The following NALF1 variants were observed in gnomAD, a reference collection of about 807,000 sequenced individuals.
The protein encoded by NALF1 is NALCN channel auxiliary factor 1, also known as family with sequence similarity 155 member A.
Under a neutral mutation model 48.4 loss-of-function variants are expected in NALF1, and 3 were observed. That is an observed-to-expected ratio of 0.06 (90% CI 0.03 to 0.16). The LOEUF is 0.16. Ranked by LOEUF, NALF1 falls within the 10% of genes least tolerant of loss-of-function variation. NALF1 has a pLI of 1.00. For synonymous variants in NALF1, 262 were observed against 245.7 expected (o/e 1.07, Z -0.62); for missense variants, 526 against 571.5 (o/e 0.92, Z 0.81).
At chr13:107,541,192 C>G (rs192120968) in intron 1 of NALF1, among the ~76,000 whole-genome samples, 134 of 152,208 alleles carry the variant, frequency 8.8e-4, no homozygotes, top group African/African-American at 3.1e-3. Flanking sequence ...TGGATCGTTA[C>G]ATGTCTGTTT....
chr13:107,205,981 C>CA (rs1224994691), intron 2 of NALF1, among the ~76,000 whole-genome samples: 1 of 151,894 alleles, frequency 6.6e-6, no homozygotes, highest in East Asian at 2.0e-4. Context: ...TCGTAGAATC[C>CA]AAAAACGACT....
intron 1 of NALF1, among the ~76,000 whole-genome samples, chr13:107,756,774 C>G (rs939343974): frequency 1.3e-5 from 2 of 152,040 alleles, no homozygotes; most frequent in African/African-American, 4.8e-5. Flanking sequence ...AATTAACCCT[C>G]GGAACCAGGA....
At chr13:107,600,574 T>C (rs1878893431) in intron 1 of NALF1, among the ~76,000 whole-genome samples, 1 of 152,198 alleles carries the variant, frequency 6.6e-6, no homozygotes, top group Non-Finnish European at 1.5e-5. Context: ...ACTGAGATAC[T>C]GGCTAAGTCA....
intron 1 of NALF1, among the ~76,000 whole-genome samples, chr13:107,560,569 A>G (rs981495534): frequency 5.3e-5 from 8 of 152,150 alleles, no homozygotes; most frequent in African/African-American, 1.7e-4. Flanking sequence ...ATGATGTACT[A>G]CATTGTCATT....
Position 107,246,842 on chromosome 13 carries a change from C to A in NALF1, c.916-36087G>T, listed in dbSNP as rs190347459. On this transcript the variant is annotated intron_variant, in intron 1 of 2. Coordinates refer to ENST00000375915, the MANE Select transcript of NALF1 (RefSeq NM_001080396.3). The stretch of plus-strand genomic sequence containing the variant: ...AAAAGAGGAAAGGGGAGAATTTCAT[C>A]TTTCAATGATACTTTTCAAAATTAT... 2.0e-3 allele frequency among the ~76,000 whole-genome samples: 310 copies of A among 152,274 alleles called. 2 individuals are homozygous for A. Among genetic ancestry groups the A allele is most frequent in the African/African-American group, 7.3e-3 (302 of 41,570 alleles).
intron 1 of NALF1, among the ~76,000 whole-genome samples, chr13:107,425,454 T>G (rs528879496): frequency 1.5e-4 from 23 of 152,248 alleles, no homozygotes; most frequent in Admixed American, 1.4e-3. Flanking sequence ...TTATTATTTT[T>G]TAAAGAACAT....
intron 1 of NALF1, among the ~76,000 whole-genome samples, chr13:107,590,180 T>TA (rs1380615771): frequency 4.6e-5 from 7 of 152,120 alleles, no homozygotes; most frequent in African/African-American, 1.7e-4. Context: ...AATGAAATGA[T>TA]AAAAAATTTC....
At chr13:107,682,844 TC>T (rs1388274431) in intron 1 of NALF1, among the ~76,000 whole-genome samples, 1 of 152,186 alleles carries the variant, frequency 6.6e-6, no homozygotes, top group African/African-American at 2.4e-5. Flanking sequence ...CAGTCGACTT[TC>T]CAATGGCCTC....
intron 1 of NALF1, among the ~76,000 whole-genome samples, chr13:107,215,855 G>A (rs988015159): frequency 2.7e-5 from 4 of 149,132 alleles, no homozygotes; most frequent in Admixed American, 6.8e-5. Flanking sequence ...TCCAGCAGAA[G>A]GTCAGCTTCT....
chr13:107,693,935 G>A (rs1881636383), intron 1 of NALF1, among the ~76,000 whole-genome samples: 1 of 152,178 alleles, frequency 6.6e-6, no homozygotes, highest in African/African-American at 2.4e-5. Context: ...TTGCAGAGGA[G>A]GAAACTGAAG....
At chr13:107,774,834 C>T (rs1877679832) in intron 1 of NALF1, among the ~76,000 whole-genome samples, 2 of 152,240 alleles carry the variant, frequency 1.3e-5, no homozygotes, top group South Asian at 4.1e-4. Context: ...TAAATCTCAG[C>T]TCTTATGGTT....
intron 1 of NALF1, among the ~76,000 whole-genome samples, chr13:107,567,225 G>T (rs1877840034): frequency 6.6e-6 from 1 of 152,052 alleles, no homozygotes; most frequent in African/African-American, 2.4e-5. Context: ...TACACTATCT[G>T]TATATATACA....
chr13:107,727,874 T>C (rs1594231207), intron 1 of NALF1, among the ~76,000 whole-genome samples: 1 of 151,994 alleles, frequency 6.6e-6, no homozygotes, highest in South Asian at 2.1e-4. Flanking sequence ...GCAAAGGATA[T>C]GAACAGACAC....
At chr13:107,758,674 T>C (rs572926311) in intron 1 of NALF1, among the ~76,000 whole-genome samples, 1 of 152,112 alleles carries the variant, frequency 6.6e-6, no homozygotes, top group East Asian at 1.9e-4. Context: ...TGAGCCGAGA[T>C]AGCGCCACTG....
At chr13:107,851,067 G>A (rs1188162721) in intron 1 of NALF1, among the ~76,000 whole-genome samples, 3 of 152,106 alleles carry the variant, frequency 2.0e-5, no homozygotes, top group Non-Finnish European at 4.4e-5. Flanking sequence ...GTGTAGTAAA[G>A]GAAAATATTG....
chr13:107,195,185 C>T (rs1879364615), intron 2 of NALF1, among the ~76,000 whole-genome samples: 1 of 152,106 alleles, frequency 6.6e-6, no homozygotes, highest in South Asian at 2.1e-4. Context: ...AAAAGTAGAA[C>T]TCAAGTGACG....
intron 1 of NALF1, among the ~76,000 whole-genome samples, chr13:107,217,371 C>T (rs1384273587): frequency 1.3e-5 from 2 of 152,178 alleles, no homozygotes; most frequent in Non-Finnish European, 1.5e-5. Flanking sequence ...TTTGCTGTTG[C>T]TGTTGTTTGT....
intron 1 of NALF1, among the ~76,000 whole-genome samples, chr13:107,856,182 C>T (rs58752215): frequency 0.031 from 4,683 of 152,308 alleles, 271 homozygotes; most frequent in African/African-American, 0.11. Flanking sequence ...GCTGGGATTA[C>T]AGGCATGAGC....
intron 1 of NALF1, among the ~76,000 whole-genome samples, chr13:107,299,582 G>T (rs1310118554): frequency 6.6e-6 from 1 of 151,322 alleles, no homozygotes; most frequent in Non-Finnish European, 1.5e-5. Context: ...GATCTTTCCT[G>T]CAGCAATTAT....
Sources: allele counts gnomAD v4.1 joint callset (sites outside exome capture counted in the v4.1 genomes callset), GRCh38; gene constraint gnomAD v4.1.1; transcripts MANE v1.5; gene names NCBI Gene and HGNC (gene_info 2026-07-23, HGNC 2026-07-21).